CCDC7: variants seen among roughly 807,000 people sequenced by gnomAD.
CCDC7 encodes coiled-coil domain-containing protein 7.
CCDC7 carries 183 observed loss-of-function variants against 196.9 expected under a neutral mutation model. The observed-to-expected ratio is 0.93, with a 90% confidence interval of 0.82 to 1.05. The LOEUF (loss-of-function observed/expected upper bound fraction) is 1.05. Among genes scored for constraint, CCDC7 ranks in the 50% least tolerant of loss-of-function variants. The pLI, the probability that CCDC7 is intolerant of heterozygous loss-of-function variation, is 0.00. For missense variants in CCDC7, 1,540 were observed against 1,482.2 expected, an observed-to-expected ratio of 1.04 and a Z score of -0.64; for synonymous variants, 525 against 484.6, an observed-to-expected ratio of 1.08 and a Z score of -1.10.
chr10:32,881,292 T>C (rs1222779138), downstream of CCDC7, among the ~76,000 whole-genome samples: 1 of 152,142 alleles, frequency 6.6e-6, no homozygotes, highest in African/African-American at 2.4e-5. Flanking sequence ...GTTCTCAGTG[T>C]GTTGTGTTCT....
At chr10:32,551,150 G>A (rs3006709) in intron 13 of CCDC7, among the ~76,000 whole-genome samples, 1 of 151,762 alleles carries the variant, frequency 6.6e-6, no homozygotes, top group Non-Finnish European at 1.5e-5. Flanking sequence ...TTCCAGGAAT[G>A]TATCCATCTC....
intron 13 of CCDC7, among the ~76,000 whole-genome samples, chr10:32,551,654 C>G (rs1487701104): frequency 6.6e-6 from 1 of 152,076 alleles, no homozygotes; most frequent in East Asian, 1.9e-4. Context: ...TTGTTTTTGA[C>G]CCAATGCTCA....
chr10:32,521,219 A>G (rs2047830268), intron 11 of CCDC7, among the ~76,000 whole-genome samples: 1 of 152,130 alleles, frequency 6.6e-6, no homozygotes, highest in African/African-American at 2.4e-5. Context: ...GCGATTTCAT[A>G]TAAATGTTAG....
intron 24 of CCDC7, 118 bp downstream of exon 25, chr10:32,695,110 A>C: frequency 4.3e-6 from 2 of 464,222 alleles, no homozygotes; most frequent in East Asian, 6.9e-5. Context: ...TATACTTTAC[A>C]GTGTGAATAC....
intron 21 of CCDC7, among the ~76,000 whole-genome samples, chr10:32,676,769 G>A (rs1000934151): frequency 4.6e-5 from 7 of 151,788 alleles, no homozygotes; most frequent in Non-Finnish European, 1.0e-4. Context: ...TACACTGTTG[G>A]TGGGACTGTA....
At chr10:32,571,874 G>A (rs779750971) in exon 16 of CCDC7, 90 of 1,568,672 alleles carry the variant, frequency 5.7e-5, no homozygotes, top group African/African-American at 8.3e-5. Flanking sequence ...TGCCCAAAGC[G>A]GAAGACTGAT....
chr10:32,669,671 TTA>T (rs1290834132), intron 21 of CCDC7, among the ~76,000 whole-genome samples: 1 of 152,146 alleles, frequency 6.6e-6, no homozygotes, highest in Non-Finnish European at 1.5e-5. Flanking sequence ...TGCCATATAG[TTA>T]TTCATAGTAG....
intron 13 of CCDC7, among the ~76,000 whole-genome samples, chr10:32,546,464 A>T (rs1357979146): frequency 1.3e-5 from 2 of 152,204 alleles, no homozygotes; most frequent in Non-Finnish European, 2.9e-5. Flanking sequence ...AGACAGCTAG[A>T]TGTTAATTTC....
chr10:32,475,708 A>C (rs1002183681), intron 8 of CCDC7, among the ~76,000 whole-genome samples: 1 of 151,968 alleles, frequency 6.6e-6, no homozygotes, highest in Non-Finnish European at 1.5e-5. Context: ...GTTTACCATA[A>C]TTTTCTTTTA....
chr10:32,653,976 T>A (rs1301589106), intron 20 of CCDC7, among the ~76,000 whole-genome samples: 1 of 152,224 alleles, frequency 6.6e-6, no homozygotes, highest in African/African-American at 2.4e-5. Flanking sequence ...ACTTGGATGG[T>A]GTTGTACCAA....
chr10:32,510,624 G>T (rs2045961863), intron 9 of CCDC7, among the ~76,000 whole-genome samples: 1 of 152,020 alleles, frequency 6.6e-6, no homozygotes, highest in Non-Finnish European at 1.5e-5. Flanking sequence ...GTTTTGTTTT[G>T]TTTTTATACA....
At chr10:32,638,120 GA>G (rs1460209755) in intron 20 of CCDC7, among the ~76,000 whole-genome samples, 2 of 152,194 alleles carry the variant, frequency 1.3e-5, no homozygotes, top group Non-Finnish European at 2.9e-5. Context: ...ACAGCTTAAA[GA>G]GATTTTGGGC....
intron 29 of CCDC7, among the ~76,000 whole-genome samples, chr10:32,803,150 A>G (rs1018435427): frequency 2.0e-5 from 3 of 152,238 alleles, no homozygotes; most frequent in Non-Finnish European, 2.9e-5. Flanking sequence ...CCATGTGCCA[A>G]TGAGAAGCAT....
chr10:32,487,998 A>G (rs149454175), intron 8 of CCDC7, among the ~76,000 whole-genome samples: 4,187 of 151,998 alleles, frequency 0.028, 206 homozygotes, highest in African/African-American at 0.095. Context: ...GAGAACCACT[A>G]CTCTCTTCAA....
intron 20 of CCDC7, among the ~76,000 whole-genome samples, chr10:32,639,598 C>G (rs569938409): frequency 1.3e-5 from 2 of 149,320 alleles, no homozygotes; most frequent in South Asian, 4.2e-4. Context: ...GCACTGTGGT[C>G]TGAGAGACAG....
At chr10:32,870,525 A>C (rs1419572522) in intron 41 of CCDC7, among the ~76,000 whole-genome samples, 1 of 152,210 alleles carries the variant, frequency 6.6e-6, no homozygotes, top group Admixed American at 6.6e-5. Flanking sequence ...CTAGATATAC[A>C]ATCATGTCAT....
intron 16 of CCDC7, among the ~76,000 whole-genome samples, chr10:32,578,425 T>C (rs1046861586): frequency 8.6e-5 from 13 of 151,614 alleles, no homozygotes; most frequent in Non-Finnish European, 1.6e-4. Context: ...AATGAAATAA[T>C]TATACAACTC....
intron 21 of CCDC7, chr10:32,675,916 C>T (rs556109144): frequency 1.3e-4 from 19 of 151,564 alleles, no homozygotes; most frequent in Admixed American, 3.3e-4. Flanking sequence ...AAAAAGAGCC[C>T]GCATCACCAA....
At position 32,537,258 on chromosome 10, in the gene CCDC7, T is replaced by A. The variant is rs183427044; in HGVS notation, c.994-6042T>A. On this transcript the variant is annotated intron_variant, in intron 11 of 41. Transcript: ENST00000639629. ...TGCACTTCTCTAATGATTACTGATG[T>A]TGTGCATTTTTTGTATGTTTGTTGG... 2.2e-3 allele frequency among the ~76,000 whole-genome samples: 328 copies of A among 152,334 alleles called. 2 individuals are homozygous for A. The highest frequency in any genetic ancestry group is 4.2e-3 in the Non-Finnish European group (285 of 68,024).
Sources: gnomAD v4.1 joint callset for allele counts (sites outside exome capture counted in the v4.1 genomes callset) on GRCh38, gnomAD v4.1.1 for gene constraint, MANE v1.5 for transcripts, NCBI Gene and HGNC (gene_info 2026-07-23, HGNC 2026-07-21) for gene names.